DPYS: variants seen among roughly 807,000 people sequenced by gnomAD.
The protein encoded by DPYS is dihydropyrimidinase, also known as dihydropyrimidine amidohydrolase.
DPYS carries 39 observed loss-of-function variants against 50.3 expected under a neutral mutation model. The observed-to-expected ratio is 0.78, with a 90% CI of 0.60 to 1.01. The LOEUF is 1.01. Ranked by LOEUF, DPYS falls within the 50% of genes least tolerant of loss-of-function variation. DPYS has a pLI of 0.00. For missense variants in DPYS, 659 were observed against 680.9 expected, an observed-to-expected ratio of 0.97 and a Z score of 0.36; for synonymous variants, 245 against 250.7, an observed-to-expected ratio of 0.98 and a Z score of 0.22.
At chr8:104,398,985 AT>A (rs1471154547) in intron 7 of DPYS, among the ~76,000 whole-genome samples, 3 of 152,164 alleles carry the variant, frequency 2.0e-5, no homozygotes, top group Non-Finnish European at 4.4e-5. Flanking sequence ...CTGGGAGATA[AT>A]CTTGGAAGAA....
intron 7 of DPYS, among the ~76,000 whole-genome samples, chr8:104,405,557 T>A (rs151161145): frequency 7.9e-5 from 12 of 152,236 alleles, no homozygotes; most frequent in Admixed American, 3.9e-4. Flanking sequence ...AAATAAAGCA[T>A]CTTGGAGGCT....
intron 6 of DPYS, among the ~76,000 whole-genome samples, chr8:104,427,540 A>G (rs1323376668): frequency 2.0e-5 from 3 of 151,860 alleles, no homozygotes; most frequent in African/African-American, 7.3e-5. Flanking sequence ...TGGCCTCCCA[A>G]AGTGCTGGGA....
intron 7 of DPYS, among the ~76,000 whole-genome samples, chr8:104,405,255 G>A (rs1811957112): frequency 6.6e-6 from 1 of 152,180 alleles, no homozygotes; most frequent in Admixed American, 6.5e-5. Context: ...TTTAACAGAT[G>A]AGAAAACAGA....
intron 7 of DPYS, among the ~76,000 whole-genome samples, chr8:104,401,823 G>A (rs1011051579): frequency 1.3e-5 from 2 of 152,170 alleles, no homozygotes; most frequent in African/African-American, 4.8e-5. Flanking sequence ...AAATGGTGCT[G>A]CTTCAAGTAC....
chr8:104,393,314 T>C (rs1157386247), intron 7 of DPYS, among the ~76,000 whole-genome samples: 1 of 152,210 alleles, frequency 6.6e-6, no homozygotes, highest in Non-Finnish European at 1.5e-5. Flanking sequence ...ATTTTTTCAT[T>C]TTTAAATTAT....
chr8:104,393,070 G>A, intron 7 of DPYS, 79 bp from the exon 8 acceptor site: 1 of 1,379,800 alleles, frequency 7.2e-7, no homozygotes, highest in Non-Finnish European at 1.0e-6. Context: ...AAAGAAGAAT[G>A]ACTTAGAAGA....
At chr8:104,458,489 G>A (rs1814007142) in intron 1 of DPYS, among the ~76,000 whole-genome samples, 1 of 152,144 alleles carries the variant, frequency 6.6e-6, no homozygotes, top group Non-Finnish European at 1.5e-5. Flanking sequence ...GATCATGCAG[G>A]AATCATATAG....
intron 1 of DPYS, among the ~76,000 whole-genome samples, chr8:104,457,302 GAC>G (rs1248982900): frequency 6.6e-6 from 1 of 152,160 alleles, no homozygotes; most frequent in Non-Finnish European, 1.5e-5. Flanking sequence ...GAATGTGCTG[GAC>G]ATAGGGAGGA....
chr8:104,432,728 T>TA (rs547409517), intron 4 of DPYS, among the ~76,000 whole-genome samples: 12 of 152,332 alleles, frequency 7.9e-5, no homozygotes, highest in African/African-American at 2.6e-4. Flanking sequence ...GGTAAGTCAT[T>TA]GTTCTTAGTC....
At chr8:104,399,314 C>CA (rs1206671523) in intron 7 of DPYS, among the ~76,000 whole-genome samples, 20,835 of 53,400 alleles carry the variant, frequency 0.39, 2,851 homozygotes, top group East Asian at 0.5. Context: ...AAAAAAACAA[C>CA]AACAAAAAAA....
chr8:104,451,121 A>T, intron 2 of DPYS, 125 bp downstream of exon 2: 1 of 1,227,994 alleles, frequency 8.1e-7, no homozygotes, highest in South Asian at 1.3e-5. Context: ...ATATGCAATG[A>T]AAAGTCTTCC....
chr8:104,432,836 T>C (rs1813000292), intron 4 of DPYS, among the ~76,000 whole-genome samples: 1 of 152,168 alleles, frequency 6.6e-6, no homozygotes, highest in Non-Finnish European at 1.5e-5. Context: ...ACCCAGAATC[T>C]TCCTGGGACC....
intron 7 of DPYS, among the ~76,000 whole-genome samples, chr8:104,411,331 A>G (rs1449979627): frequency 1.3e-5 from 2 of 152,218 alleles, no homozygotes; most frequent in Non-Finnish European, 2.9e-5. Context: ...ATCCTTCTAC[A>G]CAGATAAAGG....
At chr8:104,391,832 A>T (rs1811397644) in intron 8 of DPYS, among the ~76,000 whole-genome samples, 1 of 151,828 alleles carries the variant, frequency 6.6e-6, no homozygotes, top group Non-Finnish European at 1.5e-5. Context: ...CTGTTCTCAA[A>T]CTCCTGGCCT....
intron 4 of DPYS, among the ~76,000 whole-genome samples, chr8:104,441,098 G>A (rs1035592186): frequency 1.2e-4 from 19 of 152,160 alleles, no homozygotes; most frequent in Middle Eastern, 3.4e-3. Flanking sequence ...TCACATGCAT[G>A]GGGTAGGAAA....
intron 4 of DPYS, among the ~76,000 whole-genome samples, chr8:104,436,770 G>A (rs1813164807): frequency 1.3e-5 from 2 of 152,140 alleles, no homozygotes; most frequent in Admixed American, 1.3e-4. Flanking sequence ...TGAGGCAGAA[G>A]GATCACTTGA....
rs112886401 is a variant in DPYS at position 104,429,703 on chromosome 8, T to C, written c.794-2A>G. The C allele has an allele frequency of 3.1e-6, 5 of 1,614,002 alleles. No individual in the cohort carries two copies. The highest frequency in any genetic ancestry group is 4.2e-6 in the Non-Finnish European group (5 of 1,180,008). Reference sequence around the variant, plus strand: ...TGGGTTCACCATAGACCACCTTCCCTGGAAAGATTAAAAGAAGCATTCATC... The same window carrying C: ...TGGGTTCACCATAGACCACCTTCCCCGGAAAGATTAAAAGAAGCATTCATC... On this transcript the variant is annotated splice_acceptor_variant, in intron 4 of 9. Transcript: ENST00000351513. LOFTEE classifies it high-confidence loss of function.
intron 8 of DPYS, among the ~76,000 whole-genome samples, chr8:104,389,347 C>A (rs1811314501): frequency 6.6e-6 from 1 of 152,100 alleles, no homozygotes; most frequent in African/African-American, 2.4e-5. Flanking sequence ...TTTTATGATT[C>A]TTTTTCTTAA....
intron 7 of DPYS, among the ~76,000 whole-genome samples, chr8:104,416,202 T>C (rs1812362608): frequency 6.6e-6 from 1 of 152,230 alleles, no homozygotes; most frequent in African/African-American, 2.4e-5. Context: ...ATAGCCCAGA[T>C]GGCAGGTTTG....
Sources: gnomAD v4.1 joint callset for allele counts (sites outside exome capture counted in the v4.1 genomes callset) on GRCh38, gnomAD v4.1.1 for gene constraint, MANE v1.5 for transcripts, NCBI Gene and HGNC (gene_info 2026-07-23, HGNC 2026-07-21) for gene names.